Variants in SLFN11 observed in about 807,000 individuals in gnomAD.
SLFN11 encodes schlafen family member 11.
A neutral mutation model predicts 53.4 loss-of-function variants in SLFN11; 43 were observed. The ratio of observed to expected loss-of-function variants is 0.80; its 90% confidence interval spans 0.63 to 1.04. The LOEUF is 1.04. Among genes scored for constraint, SLFN11 ranks in the 50% least tolerant of loss-of-function variants. The pLI, the probability that SLFN11 is intolerant of heterozygous loss-of-function variation, is 0.00. For synonymous variants in SLFN11, 389 were observed against 394.7 expected (o/e 0.99, Z 0.17); for missense variants, 990 against 1,079.1 (o/e 0.92, Z 1.16).
chr17:35,367,937 T>C (rs538237959), intron 1 of SLFN11, among the ~76,000 whole-genome samples: 10 of 152,170 alleles, frequency 6.6e-5, no homozygotes, highest in African/African-American at 2.4e-4. Context: ...GTGACTCTGA[T>C]GTGGACATGC....
intron 3 of SLFN11, among the ~76,000 whole-genome samples, chr17:35,364,845 C>T (rs1454318705): frequency 1.3e-5 from 2 of 151,918 alleles, no homozygotes; most frequent in Non-Finnish European, 2.9e-5. Context: ...AATGAGTCAA[C>T]GAATAAATGG....
At chr17:35,372,593 C>T (rs953758980) in intron 1 of SLFN11, among the ~76,000 whole-genome samples, 1 of 151,758 alleles carries the variant, frequency 6.6e-6, no homozygotes, top group Non-Finnish European at 1.5e-5. Flanking sequence ...CCACTATGTA[C>T]CTACAAAAAT....
In SLFN11 at chr17:35,373,506, G is replaced by A. The variant is rs1464589853; in HGVS notation, c.-267C>T. The A allele has an allele frequency of 1.3e-5, 2 of 151,812 alleles. No homozygotes were observed. Among genetic ancestry groups the A allele is most frequent in the Non-Finnish European group, 2.9e-5 (2 of 68,024 alleles). 9.4% of individuals were successfully genotyped at this position (151,812 alleles called of 1,614,324 possible). ...TCGAGTTACAGCCCGACGCGGATTCGGCTGGGCTAGACCCTGAAGCACGGG... is the reference window on the plus strand; with the variant it reads ...TCGAGTTACAGCCCGACGCGGATTCAGCTGGGCTAGACCCTGAAGCACGGG... On this transcript the variant is annotated 5_prime_UTR_variant, in exon 1 of 7. Transcript: ENST00000685675.
intron 5 of SLFN11, among the ~76,000 whole-genome samples, chr17:35,359,608 T>C (rs1189447109): frequency 6.6e-6 from 1 of 152,168 alleles, no homozygotes; most frequent in Non-Finnish European, 1.5e-5. Flanking sequence ...ACCTTGGTCC[T>C]GAATTATTGT....
intron 5 of SLFN11, among the ~76,000 whole-genome samples, chr17:35,358,663 T>C (rs1280887844): frequency 6.6e-6 from 1 of 152,054 alleles, no homozygotes; most frequent in Non-Finnish European, 1.5e-5. Flanking sequence ...AAAACAAATA[T>C]ATAATTTATT....
intron 5 of SLFN11, chr17:35,359,900 C>T: frequency 4.7e-6 from 1 of 211,878 alleles, no homozygotes; most frequent in Admixed American, 6.2e-5. Flanking sequence ...GCCACTCTCC[C>T]CACATATTCC....
At chr17:35,363,955 G>A in intron 3 of SLFN11, 129 bp from the exon 4 acceptor site, 2 of 668,788 alleles carry the variant, frequency 3.0e-6, no homozygotes, top group Non-Finnish European at 4.7e-6. Context: ...CTTCTCTTTA[G>A]GAGAAGAATG....
chr17:35,360,125 G>C (rs751323498), intron 5 of SLFN11, 118 bp downstream of exon 5: 1 of 1,038,390 alleles, frequency 9.6e-7, no homozygotes, highest in Non-Finnish European at 1.4e-6. Flanking sequence ...ACATCATCAC[G>C]TCTTACAAAT....
Position 35,351,588 on chromosome 17 carries a change from C to T in SLFN11, c.*768G>A, listed in dbSNP as rs1199608813. ...TCTGGTTCACCTTAGGGCTGATACA[C>T]ACCTTCAGAACCAGATTTTGGTCTC... On this transcript the variant is annotated 3_prime_UTR_variant, in exon 7 of 7. Coordinates refer to ENST00000685675, the MANE Select transcript of SLFN11 (RefSeq NM_001376007.1). 6.6e-6 allele frequency: 1 copy of T among 152,180 alleles called. No individual in the cohort carries two copies. The allele number at this position is 152,180 out of a possible 1,614,324, so 9.4% of individuals were successfully genotyped here. A position where few individuals can be genotyped will look rare whatever the true frequency, so the allele number is the denominator to read the frequency against.
chr17:35,366,652 G>A (rs1175965164), intron 3 of SLFN11, among the ~76,000 whole-genome samples: 3 of 151,902 alleles, frequency 2.0e-5, no homozygotes, highest in Non-Finnish European at 4.4e-5. Context: ...CTATACTAAA[G>A]GCTTGGAATT....
chr17:35,353,446 C>A lies in SLFN11; in HGVS notation c.1812G>T (p.Gly604=), dbSNP rs1907020283. The change falls in exon 6 of 7, where the codon GGG becomes GGT. Residue 604 remains glycine, a synonymous_variant. Transcript: ENST00000685675. ...ELFVHGLPGS[G]KTIMAMKIME... is the part of the protein sequence containing the mutation. ...TGATCTTCATGGCCATGATGGTCTT[C>A]CCTGAGCCAGGTAAGCCGTGGACAA... is the stretch of plus-strand genomic sequence containing the variant. 6.2e-7 allele frequency: 1 copy of A among 1,603,400 alleles called. No homozygotes were observed. The highest frequency in any genetic ancestry group is 1.4e-5 in the African/African-American group (1 of 72,596).
rs757910956 is a variant in SLFN11 at position 35,354,013 on chromosome 17, G to A, written c.1245C>T (p.Asp415=). 2 of 1,613,644 alleles carry A rather than the reference G, an allele frequency of 1.2e-6. No homozygotes were observed. The highest frequency in any genetic ancestry group is 2.2e-5 in the East Asian group (1 of 44,880). Reference sequence around the variant, plus strand: ...CTAGTCCTCTGTGCTCTGAGATCAGGTCCCTCCAGAGTGACTCTGGAGTAT... The same window carrying A: ...CTAGTCCTCTGTGCTCTGAGATCAGATCCCTCCAGAGTGACTCTGGAGTAT... The part of the protein sequence containing the change: ...LRYTPESLWR[D]LISEHRGLEE... The change falls in exon 6 of 7, where the codon GAC becomes GAT. Residue 415 remains aspartate, a synonymous_variant. Transcript: ENST00000685675.
chr17:35,350,999 A>G lies in SLFN11; in HGVS notation c.*1357T>C, dbSNP rs1906605818. 6.6e-6 allele frequency: 1 copy of G among 152,248 alleles called. No homozygotes were observed. Among genetic ancestry groups the G allele is most frequent in the South Asian group, 2.1e-4 (1 of 4,830 alleles). The allele number at this position is 152,248 out of a possible 1,614,324, so 9.4% of individuals were successfully genotyped here. A position where few individuals can be genotyped will look rare whatever the true frequency, so the allele number is the denominator to read the frequency against. ...TAAGTATCAGTGTTTTCTGTTTGAC[A>G]AATAATCGTACAGCTGTGTTCTCAG... On this transcript the variant is annotated 3_prime_UTR_variant, in exon 7 of 7. Transcript: ENST00000685675.
At chr17:35,371,870 T>C (rs1414812363) in intron 1 of SLFN11, among the ~76,000 whole-genome samples, 1 of 152,044 alleles carries the variant, frequency 6.6e-6, no homozygotes, top group Non-Finnish European at 1.5e-5. Flanking sequence ...ACAGTGTTGG[T>C]GGGAATGTAA....
intron 5 of SLFN11, among the ~76,000 whole-genome samples, chr17:35,357,135 TGTGC>T (rs1567819324): frequency 1.7e-5 from 2 of 116,554 alleles, no homozygotes; most frequent in African/African-American, 2.8e-5. Flanking sequence ...TTGATTTTTC[TGTGC>T]GTGTGTGTGT....
At chr17:35,361,213 A>G (rs1033176886) in intron 4 of SLFN11, among the ~76,000 whole-genome samples, 5 of 152,084 alleles carry the variant, frequency 3.3e-5, no homozygotes, top group Non-Finnish European at 7.4e-5. Flanking sequence ...TTATAGCATG[A>G]TGGGGTAAAT....
rs1908499042 is a variant in SLFN11, at chr17:35,363,300, G to A, written c.508C>T (p.His170Tyr). ...ILEEGPFHKI[H>Y]KGVYQELPNS... ...GGGAGCTCTTGGTATACACCCTTGT[G>A]AATTTTGTGAAAAGGTCCTTCTTCC... The change falls in exon 4 of 7, where the codon CAC (histidine) becomes TAC (tyrosine). Residue 170 changes from histidine (H) to tyrosine (Y), a missense_variant. By Grantham distance (83) the His-to-Tyr change is moderately conservative. Coordinates refer to ENST00000685675, the MANE Select transcript of SLFN11 (RefSeq NM_001376007.1). 1 of 1,613,916 alleles carries A rather than the reference G, an allele frequency of 6.2e-7. No individual in the cohort carries two copies. The highest frequency in any genetic ancestry group is 1.3e-5 in the African/African-American group (1 of 74,924).
intron 3 of SLFN11, among the ~76,000 whole-genome samples, chr17:35,365,548 C>T (rs1419981232): frequency 2.0e-5 from 3 of 152,100 alleles, no homozygotes; most frequent in Non-Finnish European, 4.4e-5. Flanking sequence ...CCTGCCTTGG[C>T]CTCCCAAAGT....
rs762051068 is a variant in SLFN11 at position 35,352,986 on chromosome 17, C to G, written c.2076G>C (p.Lys692Asn). 1.2e-6 allele frequency: 2 copies of G among 1,614,206 alleles called. No individual in the cohort carries two copies. Among genetic ancestry groups the G allele is most frequent in the East Asian group, 2.2e-5 (1 of 44,880 alleles). Reference sequence around the variant, plus strand: ...AGATCCAGAGAATTCCTGGGCCACCCTTTGCTCTCCGAGTGATGCTTTTTG... The same window carrying G: ...AGATCCAGAGAATTCCTGGGCCACCGTTTGCTCTCCGAGTGATGCTTTTTG... ...GKAKSITRRA[K>N]GGPGILWIFL... The change falls in exon 7 of 7, where the codon AAG becomes AAC. Residue 692 changes from lysine to asparagine, a missense_variant. By Grantham distance (94) the Lys-to-Asn change is moderately conservative. Coordinates refer to ENST00000685675, the MANE Select transcript of SLFN11 (RefSeq NM_001376007.1).
Sources: gnomAD v4.1 joint callset for allele counts (sites outside exome capture counted in the v4.1 genomes callset) on GRCh38, gnomAD v4.1.1 for gene constraint, MANE v1.5 for transcripts, NCBI Gene and HGNC (gene_info 2026-07-23, HGNC 2026-07-21) for gene names.